The following FN1 variants were observed in gnomAD, a reference collection of about 807,000 sequenced individuals.
The protein encoded by FN1 is fibronectin 1, also known as fibronectin.
FN1 carries 106 observed loss-of-function variants against 297.3 expected under a neutral mutation model. The ratio of observed to expected loss-of-function variants is 0.36; its 90% CI spans 0.30 to 0.42. FN1 has a LOEUF of 0.42. Ranked by LOEUF, FN1 falls within the 10% of genes least tolerant of loss-of-function variation. The pLI is 1.00. For synonymous variants in FN1, 1,149 were observed against 1,152.6 expected (o/e 1.00, Z 0.06); for missense variants, 2,690 against 3,124.9 (o/e 0.86, Z 3.32).
chr2:215,428,069 C>T, intron 6 of FN1, 111 bp downstream of exon 6: 1 of 1,301,566 alleles, frequency 7.7e-7, no homozygotes, highest in Non-Finnish European at 1.1e-6. Flanking sequence ...AGGTTATTAG[C>T]TGAAACACTG....
intron 14 of FN1, 27 bp downstream of exon 14, chr2:215,409,907 G>A (rs770326299): frequency 1.2e-6 from 2 of 1,613,252 alleles, no homozygotes; most frequent in Non-Finnish European, 1.7e-6. Context: ...TCGGGGGTAG[G>A]AGGCATGAGG....
At position 215,424,252 on chromosome 2, in the gene FN1, C is replaced by T. The variant is rs149123808; in HGVS notation, c.1110G>A (p.Thr370=). The change falls in exon 8 of 46, where the codon ACG becomes ACA. Residue 370 remains threonine (T), a synonymous_variant. Transcript: ENST00000354785. ...GCCCTTCTGTGGTGCAGGAGTAGAA[C>T]GTCCTGCCATTGTAGGTGAATGGTA... The part of the protein sequence containing the change: ...CVLPFTYNGR[T]FYSCTTEGRQ... 1.4e-4 allele frequency: 220 copies of T among 1,613,780 alleles called. No homozygotes were observed. The African/African-American group carries it at 2.5e-3, about 18-fold the overall frequency.
intron 20 of FN1, among the ~76,000 whole-genome samples, chr2:215,399,882 T>C (rs2060789578): frequency 6.6e-6 from 1 of 152,150 alleles, no homozygotes; most frequent in African/African-American, 2.4e-5. Context: ...TTATAGAAGG[T>C]GATCTAAAAA....
In FN1 at chr2:215,379,243, T is replaced by G. The variant is rs1374689113; in HGVS notation, c.5509A>C (p.Asn1837His). Residue 1837 changes from asparagine (N) to histidine (H), a missense_variant, in exon 34 of 46, where the codon AAT (asparagine) becomes CAT (histidine). This residue lies in a region of FN1 where 1,743 missense variants were observed against 1,945.2 expected (regional missense o/e 0.90). Coordinates refer to ENST00000354785, the MANE Select transcript of FN1 (RefSeq NM_212482.4). ...TSLSAQWTPP[N>H]VQLTGYRVRV... is the part of the protein sequence containing the mutation. ...ACTCGATATCCAGTGAGCTGAACAT[T>G]GGGTGGTGTCCACTGGGCGCTCAGG... 1.1e-5 allele frequency: 17 copies of G among 1,613,952 alleles called. No homozygotes were observed. The highest frequency in any genetic ancestry group is 1.4e-5 in the Non-Finnish European group (17 of 1,180,006).
Position 215,435,876 on chromosome 2 carries a change from C to G in FN1, c.-74G>C. The G allele has an allele frequency of 6.7e-7, 1 of 1,482,856 alleles. No individual in the cohort carries two copies. The highest frequency in any genetic ancestry group is 8.9e-7 in the Non-Finnish European group (1 of 1,118,846). The allele number at this position is 1,482,856 out of a possible 1,614,324, so 91.9% of individuals were successfully genotyped here. A position where few individuals can be genotyped will look rare whatever the true frequency, so the allele number is the denominator to read the frequency against. On this transcript the variant is annotated 5_prime_UTR_variant, in exon 1 of 46. Transcript: ENST00000354785. ...CAAGTTTGCTTCCCTTCGCAACCTG[C>G]GGGAAAAATCCCTTCTAATGCCTCC...
Position 215,435,677 on chromosome 2 carries a change from C to T in FN1, c.126G>A (p.Pro42=), listed in dbSNP as rs2067358656. Residue 42 remains proline, a synonymous_variant, in exon 1 of 46, where the codon CCG becomes CCA. Coordinates refer to ENST00000354785, the MANE Select transcript of FN1 (RefSeq NM_212482.4). Reference sequence around the variant, plus strand: ...CACGCTTGCTTTGACTGACAGCCACCGGGGACTGGGGCTGAACCATTTGCT... The same window carrying T: ...CACGCTTGCTTTGACTGACAGCCACTGGGGACTGGGGCTGAACCATTTGCT... ...QAQQMVQPQS[P]VAVSQSKPGC... The T allele has an allele frequency of 1.2e-6, 2 of 1,613,388 alleles. No individual in the cohort carries two copies. The highest frequency in any genetic ancestry group is 3.3e-5 in the Admixed American group (2 of 59,986).
intron 12 of FN1, among the ~76,000 whole-genome samples, chr2:215,415,724 T>C (rs984277721): frequency 1.4e-4 from 22 of 152,128 alleles, no homozygotes; most frequent in African/African-American, 5.3e-4. Flanking sequence ...ATCACTGTTA[T>C]CAACAAAATT....
intron 12 of FN1, among the ~76,000 whole-genome samples, chr2:215,417,881 G>A (rs949623344): frequency 6.6e-6 from 1 of 152,072 alleles, no homozygotes; most frequent in African/African-American, 2.4e-5. Flanking sequence ...TGAGAGAGAC[G>A]AAGATCTCTC....
At chr2:215,380,379 A>G (rs1400439123) in intron 33 of FN1, 1 of 195,918 alleles carries the variant, frequency 5.1e-6, no homozygotes, top group Non-Finnish European at 1.1e-5. Context: ...CCAGCATATG[A>G]TATCTAACCA....
chr2:215,420,986 C>A (rs1018395269), intron 10 of FN1, 185 bp from the exon 11 acceptor site: 3 of 623,732 alleles, frequency 4.8e-6, no homozygotes, highest in Non-Finnish European at 8.2e-6. Context: ...CAATTTTTGC[C>A]AAAAAAATTT....
At chr2:215,423,636 A>T (rs893024457) in intron 8 of FN1, 110 bp from the exon 9 acceptor site, 2 of 922,092 alleles carry the variant, frequency 2.2e-6, no homozygotes, top group African/African-American at 1.6e-5. Flanking sequence ...ATTCACAGAC[A>T]GTCTATCTCA....
At chr2:215,405,500 T>C (rs565669454) in intron 19 of FN1, among the ~76,000 whole-genome samples, 2 of 152,268 alleles carry the variant, frequency 1.3e-5, no homozygotes, top group Non-Finnish European at 2.9e-5. Flanking sequence ...TCCCAGCACT[T>C]TGGGAGGCCA....
chr2:215,361,304 A>C lies in FN1; in HGVS notation c.*251T>G. On this transcript the variant is annotated 3_prime_UTR_variant, in exon 46 of 46. Transcript: ENST00000354785. ...CAAATCTTAGAATCACTTCATTTAA[A>C]ATACTGAGCGGTATTGAATACTTCG... 4.5e-6 allele frequency: 2 copies of C among 449,036 alleles called. No individual in the cohort carries two copies. Among genetic ancestry groups the C allele is most frequent in the Non-Finnish European group, 8.0e-6 (2 of 248,488 alleles). The allele number at this position is 449,036 out of a possible 1,614,324, so 27.8% of individuals were successfully genotyped here.
In FN1 at chr2:215,399,323, G is replaced by A. The variant is rs991952311; in HGVS notation, c.3282C>T (p.Tyr1094=). The change falls in exon 21 of 46, where the codon TAC becomes TAT. Residue 1094 remains tyrosine, a synonymous_variant. Coordinates refer to ENST00000354785, the MANE Select transcript of FN1 (RefSeq NM_212482.4). ...TLQPGSSIPP[Y]NTEVTETTIV... ...TGGTGGTCTCAGTCACCTCGGTGTT[G>A]TAAGGTGGAATAGAGCTCCCAGGCT... 6.2e-7 allele frequency: 1 copy of A among 1,613,914 alleles called. No homozygotes were observed. Among genetic ancestry groups the A allele is most frequent in the Non-Finnish European group, 8.5e-7 (1 of 1,179,766 alleles).
intron 13 of FN1, among the ~76,000 whole-genome samples, chr2:215,410,787 G>T (rs924103800): frequency 2.0e-5 from 3 of 152,154 alleles, no homozygotes; most frequent in Non-Finnish European, 4.4e-5. Flanking sequence ...GATTACAAGC[G>T]TGAGCCACCA....
chr2:215,436,019 C>A lies in FN1; in HGVS notation c.-217G>T. On this transcript the variant is annotated 5_prime_UTR_variant, in exon 1 of 46. Transcript: ENST00000354785. Reference sequence around the variant, plus strand: ...TGGCTGCAGGTCCCCTCTTCCCGCTCGCGCCTGGGGTTCCCTCTCCTCCCC... The same window carrying A: ...TGGCTGCAGGTCCCCTCTTCCCGCTAGCGCCTGGGGTTCCCTCTCCTCCCC... 2.8e-6 allele frequency: 3 copies of A among 1,064,808 alleles called. No homozygotes were observed. The highest frequency in any genetic ancestry group is 3.9e-6 in the Non-Finnish European group (3 of 769,450). 66.0% of individuals were successfully genotyped at this position (1,064,808 alleles called of 1,614,324 possible). A position where few individuals can be genotyped will look rare whatever the true frequency, so the allele number is the denominator to read the frequency against.
At chr2:215,373,941 C>CA (rs1302581583) in intron 38 of FN1, among the ~76,000 whole-genome samples, 1 of 152,150 alleles carries the variant, frequency 6.6e-6, no homozygotes. Context: ...CTCGGCCTCC[C>CA]AAAGTGCTGG....
At chr2:215,423,312 G>C in intron 9 of FN1, 38 bp downstream of exon 9, 1 of 1,608,342 alleles carries the variant, frequency 6.2e-7, no homozygotes, top group Non-Finnish European at 8.5e-7. Flanking sequence ...TCCCTAAATT[G>C]TTGTCAAACA....
chr2:215,433,610 T>G (rs2066917263), intron 2 of FN1, 149 bp from the exon 3 acceptor site: 1 of 827,100 alleles, frequency 1.2e-6, no homozygotes, highest in Non-Finnish European at 2.0e-6. Flanking sequence ...ATACAGATTT[T>G]TATCCTAAGC....
Sources: gnomAD v4.1 joint callset for allele counts (sites outside exome capture counted in the v4.1 genomes callset) on GRCh38, gnomAD v4.1.1 for gene constraint, gnomAD v4.1.1 regional missense constraint, MANE v1.5 for transcripts, NCBI Gene and HGNC (gene_info 2026-07-23, HGNC 2026-07-21) for gene names.